Variants in ALPK1 observed in about 807,000 individuals in gnomAD.
The protein encoded by ALPK1 is alpha-protein kinase 1.
Under a neutral mutation model 120.6 loss-of-function variants are expected in ALPK1, and 110 were observed. The observed-to-expected ratio is 0.91, with a 90% CI of 0.78 to 1.07. The LOEUF (loss-of-function observed/expected upper bound fraction) is 1.07, where lower values mean the gene tolerates loss of function less well. Ranked by LOEUF, ALPK1 falls within the 50% of genes least tolerant of loss-of-function variation. The pLI is 0.00. For missense variants in ALPK1, 1,498 were observed against 1,483.9 expected (o/e 1.01, Z -0.16); for synonymous variants, 582 against 560.3 (o/e 1.04, Z -0.55).
intron 5 of ALPK1, among the ~76,000 whole-genome samples, chr4:112,416,886 A>C (rs1733769313): frequency 6.6e-6 from 1 of 151,976 alleles, no homozygotes; most frequent in Non-Finnish European, 1.5e-5. Flanking sequence ...AAAAAAAAAA[A>C]AAAAAAACTT....
chr4:112,424,091 C>G, intron 6 of ALPK1, 88 bp downstream of exon 6: 1 of 1,307,072 alleles, frequency 7.7e-7, no homozygotes. Flanking sequence ...TTAATAGTTA[C>G]TATACCTTAG....
intron 4 of ALPK1, among the ~76,000 whole-genome samples, chr4:112,389,620 G>A (rs1732314107): frequency 1.3e-5 from 2 of 152,226 alleles, no homozygotes. Context: ...AAAGGCAGAA[G>A]AGCATGTGGT....
In ALPK1 at chr4:112,432,175, T is replaced by G; in HGVS notation, c.2628T>G (p.Ile876Met). The G allele has an allele frequency of 6.2e-7, 1 of 1,614,178 alleles. No homozygotes were observed. Among genetic ancestry groups the G allele is most frequent in the South Asian group, 1.1e-5 (1 of 91,076 alleles). Residue 876 changes from isoleucine to methionine, a missense_variant, in exon 11 of 16, where the codon ATT becomes ATG. Coordinates refer to ENST00000650871, the MANE Select transcript of ALPK1 (RefSeq NM_025144.4). The part of the protein sequence containing the change: ...TNGHGSHRLC[I>M]LRQPPGQRAE... Reference sequence around the variant, plus strand: ...GGCACGGCTCTCATAGACTGTGCATTCTGAGACAGCCGCCTGGTCAGAGGG... The same window carrying G: ...GGCACGGCTCTCATAGACTGTGCATGCTGAGACAGCCGCCTGGTCAGAGGG...
At chr4:112,381,049 G>A (rs1160362843) in intron 3 of ALPK1, among the ~76,000 whole-genome samples, 2 of 152,212 alleles carry the variant, frequency 1.3e-5, no homozygotes, top group African/African-American at 2.4e-5. Context: ...AGCCGGAACG[G>A]GATTTGCCAA....
In ALPK1 at chr4:112,442,540, A is replaced by G. The variant is rs1208707643; in HGVS notation, c.*1330A>G. ...ACTAGGCTGAATACCTGGGTGATGA[A>G]GTAATTCGCACAACAAACCCCCATG... On this transcript the variant is annotated 3_prime_UTR_variant, in exon 16 of 16. Coordinates refer to ENST00000650871, the MANE Select transcript of ALPK1 (RefSeq NM_025144.4). 1 of 152,016 alleles carries G rather than the reference A, an allele frequency of 6.6e-6. No homozygotes were observed. Among genetic ancestry groups the G allele is most frequent in the Non-Finnish European group, 1.5e-5 (1 of 67,996 alleles). The allele number at this position is 152,016 out of a possible 1,614,324, so 9.4% of individuals were successfully genotyped here.
intron 1 of ALPK1, among the ~76,000 whole-genome samples, chr4:112,315,284 C>T (rs1728584817): frequency 6.6e-6 from 1 of 152,116 alleles, no homozygotes; most frequent in East Asian, 1.9e-4. Context: ...TTCTGGCAGG[C>T]CCCAAAAGTA....
chr4:112,380,000 T>C (rs1731831933), intron 3 of ALPK1, among the ~76,000 whole-genome samples: 1 of 152,204 alleles, frequency 6.6e-6, no homozygotes, highest in African/African-American at 2.4e-5. Flanking sequence ...CAAAGTGTGA[T>C]AAAATTCTAT....
At chr4:112,301,317 T>G (rs1193723841) in intron 1 of ALPK1, among the ~76,000 whole-genome samples, 1 of 152,234 alleles carries the variant, frequency 6.6e-6, no homozygotes, top group Non-Finnish European at 1.5e-5. Context: ...TAAGCAACAT[T>G]TGAAGACCTT....
At chr4:112,373,910 C>A (rs955261722) in intron 2 of ALPK1, among the ~76,000 whole-genome samples, 1 of 152,190 alleles carries the variant, frequency 6.6e-6, no homozygotes, top group Non-Finnish European at 1.5e-5. Context: ...ATTATCTGAG[C>A]CTTCAGCAAG....
At chr4:112,376,396 A>G (rs1040602793) in intron 2 of ALPK1, among the ~76,000 whole-genome samples, 1 of 152,044 alleles carries the variant, frequency 6.6e-6, no homozygotes, top group Non-Finnish European at 1.5e-5. Flanking sequence ...GTATGTGTGT[A>G]ATGTGTGTGT....
chr4:112,429,464 G>T (rs914132889), intron 10 of ALPK1, among the ~76,000 whole-genome samples: 8 of 152,174 alleles, frequency 5.3e-5, no homozygotes, highest in African/African-American at 1.7e-4. Context: ...CAGCCCAAGG[G>T]TAGATTGTTG....
At chr4:112,380,523 C>CAGAA (rs1374679481) in intron 3 of ALPK1, among the ~76,000 whole-genome samples, 1 of 152,180 alleles carries the variant, frequency 6.6e-6, no homozygotes, top group African/African-American at 2.4e-5. Context: ...CCTTCCCCAC[C>CAGAA]AGAAAACTTC....
chr4:112,356,095 C>G (rs1234836701), intron 2 of ALPK1: 26 of 1,188,472 alleles, frequency 2.2e-5, no homozygotes, highest in Non-Finnish European at 3.2e-5. Flanking sequence ...AATAGCCTGC[C>G]CCTCAGCCAC....
intron 2 of ALPK1, chr4:112,357,700 G>A (rs535319474): frequency 1.1e-5 from 18 of 1,572,320 alleles, no homozygotes; most frequent in East Asian, 4.5e-5. Flanking sequence ...GTTGAGCTCC[G>A]CGTTTGACAG....
chr4:112,351,021 A>C (rs1487915058), intron 2 of ALPK1, among the ~76,000 whole-genome samples: 1 of 152,184 alleles, frequency 6.6e-6, no homozygotes, highest in Non-Finnish European at 1.5e-5. Context: ...ACCAGATGGC[A>C]GGCTTGACTC....
chr4:112,341,766 G>C (rs1006150618), intron 2 of ALPK1, among the ~76,000 whole-genome samples: 2 of 152,210 alleles, frequency 1.3e-5, no homozygotes, highest in African/African-American at 2.4e-5. Context: ...CTGAATCCCT[G>C]TGTGGACAAA....
chr4:112,363,474 T>C (rs1418282702), intron 2 of ALPK1, among the ~76,000 whole-genome samples: 3 of 152,160 alleles, frequency 2.0e-5, no homozygotes, highest in Non-Finnish European at 4.4e-5. Context: ...TAGTGGATAA[T>C]GATAAAAGGA....
At chr4:112,439,433 T>G (rs1734929542) in intron 13 of ALPK1, among the ~76,000 whole-genome samples, 2 of 152,220 alleles carry the variant, frequency 1.3e-5, no homozygotes, top group African/African-American at 4.8e-5. Flanking sequence ...GTGAGCAGTT[T>G]AATATGTGAA....
chr4:112,390,228 G>T (rs966048440), intron 4 of ALPK1, among the ~76,000 whole-genome samples: 1 of 152,054 alleles, frequency 6.6e-6, no homozygotes, highest in African/African-American at 2.4e-5. Context: ...CTCTTACCGG[G>T]ATTATTCCAT....
Sources: gnomAD v4.1 joint callset for allele counts (sites outside exome capture counted in the v4.1 genomes callset) on GRCh38, gnomAD v4.1.1 for gene constraint, MANE v1.5 for transcripts, NCBI Gene and HGNC (gene_info 2026-07-23, HGNC 2026-07-21) for gene names.